The following DCDC1 variants were observed in gnomAD, a reference collection of about 807,000 sequenced individuals.
DCDC1 encodes the protein doublecortin domain-containing protein 1.
A neutral mutation model predicts 178.3 loss-of-function variants in DCDC1; 200 were observed. That is an observed-to-expected ratio of 1.12 (90% confidence interval 1.00 to 1.26). The LOEUF (loss-of-function observed/expected upper bound fraction) is 1.26. Among genes scored for constraint, DCDC1 ranks in the 50% most tolerant of loss-of-function variants. The pLI, the probability that DCDC1 is intolerant of heterozygous loss-of-function variation, is 0.00. For missense variants in DCDC1, 1,983 were observed against 1,749.2 expected, an observed-to-expected ratio of 1.13 and a Z score of -2.38; for synonymous variants, 690 against 604.8, an observed-to-expected ratio of 1.14 and a Z score of -2.07.
intron 9 of DCDC1, among the ~76,000 whole-genome samples, chr11:31,160,679 C>G (rs150305142): frequency 1.2e-3 from 176 of 152,284 alleles, no homozygotes; most frequent in Non-Finnish European, 1.8e-3. Context: ...GCAGGTGCTA[C>G]TTGTATATCC....
At chr11:30,993,851 T>TTGTC (rs1360268495) in intron 20 of DCDC1, among the ~76,000 whole-genome samples, 1 of 152,172 alleles carries the variant, frequency 6.6e-6, no homozygotes, top group African/African-American at 2.4e-5. Flanking sequence ...AAGAAGTGTA[T>TTGTC]TGTCAAGTTC....
At chr11:30,938,794 C>T (rs1482520001) in intron 21 of DCDC1, among the ~76,000 whole-genome samples, 2 of 152,250 alleles carry the variant, frequency 1.3e-5, no homozygotes, top group African/African-American at 2.4e-5. Flanking sequence ...GGGGTTATTT[C>T]CCCAAGCCTG....
intron 20 of DCDC1, among the ~76,000 whole-genome samples, chr11:30,978,826 A>ACACACC (rs1950242092): frequency 2.5e-5 from 3 of 122,438 alleles, no homozygotes; most frequent in African/African-American, 9.3e-5. Context: ...ACACACACAC[A>ACACACC]CCCCCTTCTC....
At chr11:30,891,916 G>A (rs2134050000) in intron 36 of DCDC1, among the ~76,000 whole-genome samples, 2 of 152,190 alleles carry the variant, frequency 1.3e-5, no homozygotes, top group African/African-American at 4.8e-5. Flanking sequence ...ACCATCTCAG[G>A]TGGCCCTGCT....
chr11:30,937,107 G>A (rs974886864), intron 21 of DCDC1, among the ~76,000 whole-genome samples: 4 of 151,988 alleles, frequency 2.6e-5, no homozygotes, highest in African/African-American at 7.3e-5. Flanking sequence ...TCACAACTAC[G>A]TTTTTACCCA....
intron 8 of DCDC1, among the ~76,000 whole-genome samples, chr11:31,261,587 G>A (rs903896495): frequency 2.6e-5 from 4 of 152,116 alleles, no homozygotes; most frequent in Admixed American, 2.6e-4. Flanking sequence ...GGTATTATAA[G>A]TAAGCTAGAG....
At chr11:31,308,759 A>C (rs1948602433) in intron 3 of DCDC1, among the ~76,000 whole-genome samples, 2 of 152,192 alleles carry the variant, frequency 1.3e-5, no homozygotes, top group African/African-American at 4.8e-5. Context: ...CGGTATGATA[A>C]AATAAAATAA....
intron 21 of DCDC1, among the ~76,000 whole-genome samples, chr11:30,940,171 C>T (rs1229055800): frequency 6.6e-6 from 1 of 152,154 alleles, no homozygotes; most frequent in African/African-American, 2.4e-5. Flanking sequence ...CTTGAATAAA[C>T]ATAGAAATTG....
intron 21 of DCDC1, among the ~76,000 whole-genome samples, chr11:30,941,889 T>A (rs2134393843): frequency 6.6e-6 from 1 of 152,316 alleles, no homozygotes; most frequent in South Asian, 2.1e-4. Flanking sequence ...AAAAATCAGA[T>A]GAGCAGAATG....
chr11:30,896,501 T>C (rs1293506816), intron 34 of DCDC1, among the ~76,000 whole-genome samples: 1 of 152,216 alleles, frequency 6.6e-6, no homozygotes, highest in Non-Finnish European at 1.5e-5. Flanking sequence ...ATTCGCTGTC[T>C]TATTGGGAGG....
intron 23 of DCDC1, 27 bp downstream of exon 23, chr11:30,925,282 T>A (rs777141325): frequency 6.3e-7 from 1 of 1,579,132 alleles, no homozygotes; most frequent in Non-Finnish European, 8.7e-7. Flanking sequence ...TAAATTAATA[T>A]TGCCAGTTTC....
chr11:31,028,866 GATTA>G (rs1230141354), intron 20 of DCDC1, among the ~76,000 whole-genome samples: 1 of 151,890 alleles, frequency 6.6e-6, no homozygotes, highest in African/African-American at 2.4e-5. Context: ...TTTAGTTGGA[GATTA>G]ATTAACATTA....
chr11:31,179,030 C>A (rs1263182032), intron 9 of DCDC1, among the ~76,000 whole-genome samples: 1 of 152,082 alleles, frequency 6.6e-6, no homozygotes, highest in East Asian at 1.9e-4. Context: ...TTAGTAACTA[C>A]TTCTCAAAAG....
In DCDC1 at chr11:31,127,567, G is replaced by A. The variant is rs867036831; in HGVS notation, c.1387C>T (p.Gln463Ter). The part of the protein sequence containing the change: ...NIGHLCKLGP[Q>*]LQAEQEQFSS... ...AATTGCTCCTGCTCAGCCTGTAATT[G>A]GGGGCCAAGTTTACAGAGATGACCT... is the stretch of plus-strand genomic sequence containing the variant. Residue 463 changes from glutamine to a stop codon, truncating the protein, a stop_gained, in exon 11 of 39, where the codon CAA (glutamine) becomes TAA (stop). Coordinates refer to ENST00000684477, the MANE Select transcript of DCDC1 (RefSeq NM_001387274.1). LOFTEE classifies it high-confidence loss of function. 2 of 702,686 alleles carry A rather than the reference G, an allele frequency of 2.8e-6. No individual in the cohort carries two copies. Among genetic ancestry groups the A allele is most frequent in the Middle Eastern group, 2.3e-4 (1 of 4,366 alleles). The allele number at this position is 702,686 out of a possible 1,614,324, so 43.5% of individuals were successfully genotyped here.
intron 20 of DCDC1, among the ~76,000 whole-genome samples, chr11:31,059,728 G>A (rs971515796): frequency 6.6e-6 from 1 of 151,970 alleles, no homozygotes; most frequent in Admixed American, 6.6e-5. Flanking sequence ...CAAAAATTGT[G>A]TTAATATTTA....
intron 20 of DCDC1, among the ~76,000 whole-genome samples, chr11:30,961,135 C>T (rs1308113376): frequency 6.6e-6 from 1 of 152,020 alleles, no homozygotes; most frequent in East Asian, 1.9e-4. Context: ...AACAAAAATA[C>T]TTTAGATAAT....
intron 7 of DCDC1, among the ~76,000 whole-genome samples, chr11:31,283,476 GT>G (rs896268928): frequency 4.9e-4 from 74 of 150,116 alleles, no homozygotes; most frequent in East Asian, 1.6e-3. Flanking sequence ...TTATATTCAT[GT>G]TTTTTTTTAA....
intron 21 of DCDC1, among the ~76,000 whole-genome samples, chr11:30,946,387 C>T (rs981218557): frequency 4.6e-5 from 7 of 152,192 alleles, no homozygotes; most frequent in Admixed American, 4.6e-4. Context: ...CATGTGGGCC[C>T]TCAAACCCTG....
chr11:31,066,986 T>C (rs1023306132), intron 18 of DCDC1, among the ~76,000 whole-genome samples: 2 of 152,168 alleles, frequency 1.3e-5, no homozygotes, highest in Non-Finnish European at 1.5e-5. Context: ...ACTGCCTTAC[T>C]TTATGCTTAA....
Sources: gnomAD v4.1 joint callset for allele counts (sites outside exome capture counted in the v4.1 genomes callset) on GRCh38, gnomAD v4.1.1 for gene constraint, MANE v1.5 for transcripts, NCBI Gene and HGNC (gene_info 2026-07-23, HGNC 2026-07-21) for gene names.